LRRC20: variants seen among roughly 807,000 people sequenced by gnomAD.
LRRC20 encodes the protein leucine-rich repeat-containing protein 20.
A neutral mutation model predicts 14.4 loss-of-function variants in LRRC20; 11 were observed. That is an observed-to-expected ratio of 0.77 (90% CI 0.48 to 1.27). LRRC20 has a LOEUF of 1.27. Among genes scored for constraint, LRRC20 ranks in the 50% most tolerant of loss-of-function variants. LRRC20 has a pLI of 0.00. For missense variants in LRRC20, 219 were observed against 251.2 expected, an observed-to-expected ratio of 0.87 and a Z score of 0.87; for synonymous variants, 121 against 107.3, an observed-to-expected ratio of 1.13 and a Z score of -0.79.
intron 1 of LRRC20, among the ~76,000 whole-genome samples, chr10:70,378,856 G>C (rs1844606104): frequency 6.6e-6 from 1 of 151,612 alleles, no homozygotes; most frequent in East Asian, 1.9e-4. Context: ...TGAGGCAGGA[G>C]AATCGCTTGA....
intron 1 of LRRC20, chr10:70,376,858 G>A: frequency 2.9e-6 from 1 of 341,188 alleles, no homozygotes; most frequent in Non-Finnish European, 5.5e-6. Context: ...CCAGACATGG[G>A]GACCAGGTCT....
intron 4 of LRRC20, among the ~76,000 whole-genome samples, chr10:70,321,499 C>T (rs1253516066): frequency 6.6e-6 from 1 of 152,232 alleles, no homozygotes; most frequent in African/African-American, 2.4e-5. Flanking sequence ...AGCAAGGAAA[C>T]AGTGGCTGCC....
intron 4 of LRRC20, among the ~76,000 whole-genome samples, chr10:70,316,924 C>T (rs374145777): frequency 2.0e-5 from 3 of 152,198 alleles, no homozygotes; most frequent in Non-Finnish European, 4.4e-5. Flanking sequence ...GGCATGCAGG[C>T]AAGAAGCTAC....
At chr10:70,360,496 G>A (rs1196835945) in intron 2 of LRRC20, among the ~76,000 whole-genome samples, 1 of 152,088 alleles carries the variant, frequency 6.6e-6, no homozygotes, top group Non-Finnish European at 1.5e-5. Flanking sequence ...GAGTGCAGTG[G>A]CATGATCATA....
intron 4 of LRRC20, among the ~76,000 whole-genome samples, chr10:70,320,366 A>G (rs1842032918): frequency 6.6e-6 from 1 of 151,692 alleles, no homozygotes; most frequent in East Asian, 1.9e-4. Flanking sequence ...TGCACATAGT[A>G]AAACTGAAAT....
chr10:70,372,940 T>TAA lies in LRRC20; in HGVS notation c.82+3510_82+3511dup, dbSNP rs11356425. 3.3e-4 allele frequency among the ~76,000 whole-genome samples: 46 copies of TAA among 137,468 alleles called. 1 individual carries two copies. The South Asian group carries it at 3.7e-3, about 11-fold the overall frequency. The allele number at this position is 137,468 out of a possible 152,430, so 90.2% of individuals were successfully genotyped here. On this transcript the variant is annotated intron_variant, in intron 2 of 4. Transcript: ENST00000446961. ...CAACATGGCAAAACCCCATCTCTAC[T>TAA]AAAAAAAAAAAAAAAATAGAAAAAT...
intron 2 of LRRC20, among the ~76,000 whole-genome samples, chr10:70,343,920 C>T (rs995955240): frequency 3.3e-5 from 5 of 152,176 alleles, no homozygotes; most frequent in Admixed American, 1.3e-4. Context: ...CTTGCCAGGC[C>T]GGGCATGGTG....
chr10:70,314,270 C>T (rs1302535407), intron 4 of LRRC20, among the ~76,000 whole-genome samples: 1 of 152,136 alleles, frequency 6.6e-6, no homozygotes, highest in South Asian at 2.1e-4. Context: ...TTGTGACCCC[C>T]AACCCAGGAA....
chr10:70,367,348 GAAAAGAAAAAGA>G (rs71009295), intron 2 of LRRC20, among the ~76,000 whole-genome samples: 1 of 137,542 alleles, frequency 7.3e-6, no homozygotes, highest in African/African-American at 2.7e-5. Context: ...AAAAAAGAAA[GAAAAGAAAAAGA>G]AAAAGAAAAA....
chr10:70,315,794 A>G (rs1220368025), intron 4 of LRRC20, among the ~76,000 whole-genome samples: 1 of 152,214 alleles, frequency 6.6e-6, no homozygotes, highest in Admixed American at 6.5e-5. Flanking sequence ...AAAAACTCTA[A>G]TTCCAAATTC....
At chr10:70,340,747 T>G in intron 2 of LRRC20, 45 bp from the exon 3 acceptor site, 1 of 1,607,320 alleles carries the variant, frequency 6.2e-7, no homozygotes, top group Non-Finnish European at 8.5e-7. Context: ...CAGCCACAGC[T>G]GCCCGAGAAC....
intron 1 of LRRC20, 180 bp from the exon 2 acceptor site, chr10:70,376,776 G>A (rs1442938480): frequency 1.9e-6 from 1 of 530,950 alleles, no homozygotes. Context: ...CTTGGCCTTT[G>A]CACAAGCTGG....
chr10:70,340,576 A>C lies in LRRC20; in HGVS notation c.209T>G (p.Met70Arg), dbSNP rs893664458. The C allele has an allele frequency of 6.2e-7, 1 of 1,614,104 alleles. No homozygotes were observed. Among genetic ancestry groups the C allele is most frequent in the African/African-American group, 1.3e-5 (1 of 74,930 alleles). Residue 70 changes from methionine (M) to arginine (R), a missense_variant, in exon 3 of 5, where the codon ATG becomes AGG. Physicochemically the swap from Met to Arg is moderately conservative, Grantham distance 91. Coordinates refer to ENST00000446961, the MANE Select transcript of LRRC20 (RefSeq NM_001278212.2). ...NELKSLTSKF[M>R]TTFSQLRELH... The stretch of plus-strand genomic sequence containing the variant: ...ACCTCGGAGCTGACTGAATGTGGTC[A>C]TGAACTTGCTGGTGAGGGACTTAAG...
At chr10:70,354,413 G>C (rs539229173) in intron 2 of LRRC20, among the ~76,000 whole-genome samples, 1 of 152,148 alleles carries the variant, frequency 6.6e-6, no homozygotes, top group Admixed American at 6.5e-5. Flanking sequence ...TAAGTAGCAA[G>C]GGCTACTCCA....
At chr10:70,354,704 C>T (rs1277643278) in intron 2 of LRRC20, among the ~76,000 whole-genome samples, 5 of 152,146 alleles carry the variant, frequency 3.3e-5, no homozygotes, top group South Asian at 2.1e-4. Context: ...GAGGTTTACA[C>T]GCTCATGGAA....
intron 2 of LRRC20, among the ~76,000 whole-genome samples, chr10:70,355,798 T>C (rs1031771177): frequency 6.6e-6 from 1 of 152,110 alleles, no homozygotes; most frequent in East Asian, 1.9e-4. Flanking sequence ...GATGGGGACA[T>C]AGGGAACAGA....
intron 2 of LRRC20, among the ~76,000 whole-genome samples, chr10:70,369,132 C>CT (rs1221482415): frequency 6.6e-6 from 1 of 152,174 alleles, no homozygotes; most frequent in African/African-American, 2.4e-5. Context: ...TTCACCTCTG[C>CT]TTTTTTTCCT....
chr10:70,348,572 A>AC (rs1328388313), intron 2 of LRRC20, among the ~76,000 whole-genome samples: 1 of 152,218 alleles, frequency 6.6e-6, no homozygotes, highest in African/African-American at 2.4e-5. Context: ...AGAAGTGAGG[A>AC]CGGGGAGATT....
In LRRC20 at chr10:70,300,475, T is replaced by A; in HGVS notation, c.*879A>T. ...ATCGCCTTCTGCCCCCAGGAGGCCA[T>A]GACAAGGCAGCCAGGCTGCTGCTGG... is the stretch of plus-strand genomic sequence containing the variant. On this transcript the variant is annotated 3_prime_UTR_variant, in exon 5 of 5. Transcript: ENST00000446961. 3.0e-6 allele frequency: 3 copies of A among 985,446 alleles called. No homozygotes were observed. The highest frequency in any genetic ancestry group is 3.6e-6 in the Non-Finnish European group (3 of 829,974). 61.0% of individuals were successfully genotyped at this position (985,446 alleles called of 1,614,324 possible).
Sources: gnomAD v4.1 joint callset for allele counts (sites outside exome capture counted in the v4.1 genomes callset) on GRCh38, gnomAD v4.1.1 for gene constraint, MANE v1.5 for transcripts, NCBI Gene and HGNC (gene_info 2026-07-23, HGNC 2026-07-21) for gene names.